ITPR3: variants seen among roughly 807,000 people sequenced by gnomAD.
The protein encoded by ITPR3 is inositol 1,4,5-trisphosphate-gated calcium channel ITPR3.
Under a neutral mutation model 293.2 loss-of-function variants are expected in ITPR3, and 173 were observed. The observed-to-expected ratio is 0.59, with a 90% CI of 0.52 to 0.67. The LOEUF (loss-of-function observed/expected upper bound fraction) is 0.67. Ranked by LOEUF, ITPR3 falls within the 30% of genes least tolerant of loss-of-function variation. The probability of loss-of-function intolerance (pLI) is 0.00; values close to 1 mark genes in which losing one functional copy is unlikely to be tolerated. For synonymous variants in ITPR3, 1,295 were observed against 1,444.4 expected (o/e 0.90, Z 2.35); for missense variants, 2,796 against 3,592.1 (o/e 0.78, Z 5.66).
Position 33,684,268 on chromosome 6 carries a change from TG to T in ITPR3, c.4938-84del, listed in dbSNP as rs1284816405. The T allele has an allele frequency of 1.3e-5, 21 of 1,593,180 alleles. No homozygotes were observed. Among genetic ancestry groups the T allele is most frequent in the Non-Finnish European group, 1.6e-5 (19 of 1,164,412 alleles). ...GACAGGCTCACTGGGTCAGAGGGCCTGGGGGTGTTCCTGCCTGGGATGGGGT... is the reference window on the plus strand; with the variant it reads ...GACAGGCTCACTGGGTCAGAGGGCCTGGGGTGTTCCTGCCTGGGATGGGGT... On this transcript the variant is annotated intron_variant, in intron 36 of 57. Transcript: ENST00000605930. This position sits in a 1 kb window ranked among gnomAD's most constrained non-coding sequence, Gnocchi z 4.2.
Position 33,672,271 on chromosome 6 carries a change from GA to G in ITPR3, c.2928+44del. Reference sequence around the variant, plus strand: ...GTGTGGGAGGTGTTGGGTATAGGGGGAGGGTAATGGGGCGGGTACAGGGAGG... The same window carrying G: ...GTGTGGGAGGTGTTGGGTATAGGGGGGGGTAATGGGGCGGGTACAGGGAGG... On this transcript the variant is annotated intron_variant, in intron 22 of 57. Coordinates refer to ENST00000605930, the MANE Select transcript of ITPR3 (RefSeq NM_002224.4). The surrounding 1 kb of genome is among the most constrained non-coding windows in gnomAD (Gnocchi z 5.0). The G allele has an allele frequency of 6.8e-7, 1 of 1,479,056 alleles. No homozygotes were observed. The highest frequency in any genetic ancestry group is 9.4e-7 in the Non-Finnish European group (1 of 1,064,782). The allele number at this position is 1,479,056 out of a possible 1,614,324, so 91.6% of individuals were successfully genotyped here.
At chr6:33,645,563 C>T (rs1447669326) in intron 2 of ITPR3, among the ~76,000 whole-genome samples, 1 of 152,158 alleles carries the variant, frequency 6.6e-6, no homozygotes, top group African/African-American at 2.4e-5. Flanking sequence ...GGCTCGTGTG[C>T]TCGGGTTCCT....
Position 33,692,603 on chromosome 6 carries a change from C to A in ITPR3, c.7459-125C>A. The A allele has an allele frequency of 1.1e-6, 1 of 873,884 alleles. No homozygotes were observed. Among genetic ancestry groups the A allele is most frequent in the Non-Finnish European group, 1.7e-6 (1 of 571,882 alleles). The allele number at this position is 873,884 out of a possible 1,614,324, so 54.1% of individuals were successfully genotyped here. A position where few individuals can be genotyped will look rare whatever the true frequency, so the allele number is the denominator to read the frequency against. ...CATCTGATGGCCCCCAGGCCAGAGG[C>A]CCTCATTTCCTTCTGCTAGGGGCTG... On this transcript the variant is annotated intron_variant, in intron 54 of 57. Coordinates refer to ENST00000605930, the MANE Select transcript of ITPR3 (RefSeq NM_002224.4). The surrounding 1 kb of genome is among the most constrained non-coding windows in gnomAD (Gnocchi z 4.2).
In ITPR3 at chr6:33,678,584, ATGGGGGG is replaced by A. The variant is rs777186411; in HGVS notation, c.3771+48_3772-42del. On this transcript the variant is annotated intron_variant, in intron 29 of 57. Transcript: ENST00000605930. ...TGGGAGCACCTGGACGAGGCGGGGG[ATGGGGGG>A]TGGGGGCGGGGCCCAGATCTCTTTC... 35 of 1,029,410 alleles carry A rather than the reference ATGGGGGG, an allele frequency of 3.4e-5. No individual in the cohort carries two copies. In the African/African-American group the frequency reaches 7.8e-4, roughly 23 times the overall value. 63.8% of individuals were successfully genotyped at this position (1,029,410 alleles called of 1,614,324 possible). A position where few individuals can be genotyped will look rare whatever the true frequency, so the allele number is the denominator to read the frequency against.
rs1764651246 is a variant in ITPR3 at position 33,667,794 on chromosome 6, G to A, written c.1716G>A (p.Glu572=). Residue 572 remains glutamate (E), a splice_region_variant and synonymous_variant, in exon 16 of 58, where the codon GAG becomes GAA. Transcript: ENST00000605930. This position sits in a 1 kb window ranked among gnomAD's most constrained non-coding sequence, Gnocchi z 4.4. The stretch of plus-strand genomic sequence containing the variant: ...CCCCAGCCTGTCTGCCCCCCCAGGA[G>A]CACATTGCCAAGCAGTTTGGGATGA... ...HSQEDYRKNQ[E]HIAKQFGMMQ... The A allele has an allele frequency of 6.2e-7, 1 of 1,613,884 alleles. No homozygotes were observed. The highest frequency in any genetic ancestry group is 1.3e-5 in the African/African-American group (1 of 74,904).
chr6:33,627,626 G>A (rs1042221303), intron 1 of ITPR3, among the ~76,000 whole-genome samples: 6 of 152,232 alleles, frequency 3.9e-5, no homozygotes, highest in African/African-American at 1.2e-4. Context: ...CAGGTAATAC[G>A]TTCCCAGAAA....
intron 7 of ITPR3, among the ~76,000 whole-genome samples, chr6:33,660,591 C>T (rs980762836): frequency 5.9e-5 from 9 of 152,114 alleles, no homozygotes; most frequent in Admixed American, 5.9e-4. Flanking sequence ...CTCCTGGAAG[C>T]CTTCCCTAAT....
At position 33,685,472 on chromosome 6, in the gene ITPR3, C is replaced by T. The variant is rs369360668; in HGVS notation, c.5421C>T (p.Asn1807=). ...AGACCAAGTCCACGGTGGCAGTCAA[C>T]ATGAATGACCTGGGCAGCCAGCCAC... The part of the protein sequence containing the change: ...QQETKSTVAV[N]MNDLGSQPHE... The change falls in exon 40 of 58, where the codon AAC becomes AAT. Residue 1807 remains asparagine, a synonymous_variant. Coordinates refer to ENST00000605930, the MANE Select transcript of ITPR3 (RefSeq NM_002224.4). The T allele has an allele frequency of 1.0e-4, 169 of 1,613,822 alleles. 2 individuals are homozygous for T. The South Asian group carries it at 1.3e-3, about 13-fold the overall frequency.
intron 2 of ITPR3, among the ~76,000 whole-genome samples, chr6:33,644,607 T>C (rs1020947272): frequency 6.6e-6 from 1 of 151,930 alleles, no homozygotes; most frequent in Non-Finnish European, 1.5e-5. Flanking sequence ...TGACCAGGGG[T>C]CTGTTTTAAT....
In ITPR3 at chr6:33,678,455, C is replaced by T. The variant is rs775802536; in HGVS notation, c.3683C>T (p.Thr1228Met). The stretch of plus-strand genomic sequence containing the variant: ...AAGATGATGGAGATCCTGCGCTACA[C>T]GCACCAGTTCCTGCAGAAGTTCTGT... ...DAKMMEILRY[T>M]HQFLQKFCAG... Residue 1228 changes from threonine to methionine, a missense_variant, in exon 29 of 58, where the codon ACG becomes ATG. By Grantham distance (81) the Thr-to-Met change is moderately conservative. This residue lies in a region of ITPR3 where 344 missense variants were observed against 460.3 expected (regional missense o/e 0.75). Coordinates refer to ENST00000605930, the MANE Select transcript of ITPR3 (RefSeq NM_002224.4). 36 of 1,613,706 alleles carry T rather than the reference C, an allele frequency of 2.2e-5. No homozygotes were observed. The highest frequency in any genetic ancestry group is 2.7e-5 in the Non-Finnish European group (32 of 1,180,022).
chr6:33,687,287 C>T lies in ITPR3; in HGVS notation c.6137C>T (p.Pro2046Leu), dbSNP rs1561880909. 6.2e-7 allele frequency: 1 copy of T among 1,613,432 alleles called. No individual in the cohort carries two copies. Among genetic ancestry groups the T allele is most frequent in the East Asian group, 2.2e-5 (1 of 44,844 alleles). The change falls in exon 45 of 58, where the codon CCA becomes CTA. Residue 2046 changes from proline to leucine, a missense_variant. Physicochemically the swap from Pro to Leu is moderately conservative, Grantham distance 98. This residue lies in a region of ITPR3 where 704 missense variants were observed against 797.5 expected (regional missense o/e 0.88). Transcript: ENST00000605930. This position sits in a 1 kb window ranked among gnomAD's most constrained non-coding sequence, Gnocchi z 5.3. ...GAGCGTGAGAACTCGGAGGTGAGCCCACGTGAAGTGGGCCATAACATCTAT... is the reference window on the plus strand; with the variant it reads ...GAGCGTGAGAACTCGGAGGTGAGCCTACGTGAAGTGGGCCATAACATCTAT... ...EEERENSEVS[P>L]REVGHNIYIL... is the part of the protein sequence containing the mutation.
At chr6:33,688,879 C>T in intron 49 of ITPR3, 98 bp downstream of exon 49, 1 of 1,492,778 alleles carries the variant, frequency 6.7e-7, no homozygotes, top group East Asian at 2.3e-5. Flanking sequence ...TCTGAGGGCA[C>T]CAGATGCAGA....
In ITPR3 at chr6:33,664,983, G is replaced by A; in HGVS notation, c.1248+14G>A. Reference sequence around the variant, plus strand: ...ATCCGGCTCATGGTGCGTGTCCCTGGGGTGGGGGTGGGGCTGGGGCCAGGG... The same window carrying A: ...ATCCGGCTCATGGTGCGTGTCCCTGAGGTGGGGGTGGGGCTGGGGCCAGGG... On this transcript the variant is annotated intron_variant, in intron 12 of 57. Coordinates refer to ENST00000605930, the MANE Select transcript of ITPR3 (RefSeq NM_002224.4). This position sits in a 1 kb window ranked among gnomAD's most constrained non-coding sequence, Gnocchi z 4.4. The A allele has an allele frequency of 6.2e-7, 1 of 1,613,132 alleles. No homozygotes were observed. Among genetic ancestry groups the A allele is most frequent in the Non-Finnish European group, 8.5e-7 (1 of 1,179,464 alleles).
chr6:33,671,371 C>G (rs1214347020), intron 21 of ITPR3, 65 bp downstream of exon 21: 3 of 1,219,982 alleles, frequency 2.5e-6, no homozygotes, highest in Non-Finnish European at 3.5e-6. Context: ...ACAGGAAGTT[C>G]CCTCAGATCA....
At position 33,680,421 on chromosome 6, in the gene ITPR3, G is replaced by A. The variant is rs148020704; in HGVS notation, c.4317G>A (p.Thr1439=). ...KEIYTSNHIW[T]LFENFTLDMA... is the part of the protein sequence containing the mutation. ...TCTACACCAGCAACCACATCTGGAC[G>A]CTCTTTGAGAACTTCACCCTGGACA... Residue 1439 remains threonine, a synonymous_variant, in exon 32 of 58, where the codon ACG becomes ACA. Transcript: ENST00000605930. 3,320 of 1,613,518 alleles carry A rather than the reference G, an allele frequency of 2.1e-3. 2 individuals are homozygous for A. Among genetic ancestry groups the A allele is most frequent in the Non-Finnish European group, 2.6e-3 (3,056 of 1,180,024 alleles).
rs532459140 is a variant in ITPR3 at position 33,658,245 on chromosome 6, C to G, written c.369+227C>G. ...GGTGTGTTTACAGCATGGTGGCCAT[C>G]AGCATGGAGTCTGGAGCCACGTTGT... On this transcript the variant is annotated intron_variant, in intron 4 of 57. Transcript: ENST00000605930. The surrounding 1 kb of genome is among the most constrained non-coding windows in gnomAD (Gnocchi z 6.1). Among the ~76,000 whole-genome samples, 2 of 152,280 alleles carry G rather than the reference C, an allele frequency of 1.3e-5. No homozygotes were observed. The highest frequency in any genetic ancestry group is 3.9e-4 in the East Asian group (2 of 5,180).
rs1765419481 is a variant in ITPR3 at position 33,692,396 on chromosome 6, T to C, written c.7459-332T>C. ...GAGGGTGGGCAGAGGTGTTCAGAGC[T>C]GCCTCTTTCCCTCATCAATGTTAGG... On this transcript the variant is annotated intron_variant, in intron 54 of 57. Transcript: ENST00000605930. The surrounding 1 kb of genome is among the most constrained non-coding windows in gnomAD (Gnocchi z 4.2). 6.6e-6 allele frequency among the ~76,000 whole-genome samples: 1 copy of C among 152,072 alleles called. No homozygotes were observed. Among genetic ancestry groups the C allele is most frequent in the Non-Finnish European group, 1.5e-5 (1 of 68,014 alleles).
chr6:33,659,188 G>A (rs1470614464), intron 6 of ITPR3, 69 bp downstream of exon 6: 20 of 1,403,924 alleles, frequency 1.4e-5, no homozygotes, highest in African/African-American at 7.0e-5. Context: ...TAGACACCCC[G>A]CTCCCTGCCA....
intron 7 of ITPR3, among the ~76,000 whole-genome samples, chr6:33,660,632 GA>G (rs1426821195): frequency 6.6e-6 from 1 of 152,144 alleles, no homozygotes; most frequent in Non-Finnish European, 1.5e-5. Flanking sequence ...CAGCACTTAG[GA>G]AATGAAGCAT....
Sources: gnomAD v4.1 joint callset for allele counts (sites outside exome capture counted in the v4.1 genomes callset) on GRCh38, gnomAD v4.1.1 for gene constraint, gnomAD v4.1.1 regional missense constraint, Gnocchi (gnomAD v3.1) non-coding constraint, MANE v1.5 for transcripts, NCBI Gene and HGNC (gene_info 2026-07-23, HGNC 2026-07-21) for gene names.